SPSB4: variants seen among roughly 807,000 people sequenced by gnomAD.
SPSB4 encodes the protein splA/ryanodine receptor domain and SOCS box containing 4.
In SPSB4, 21 loss-of-function variants were observed where a neutral mutation model predicts 20.9. That is an observed-to-expected ratio of 1.01 (90% CI 0.71 to 1.45). SPSB4 has a LOEUF of 1.45. Ranked by LOEUF, SPSB4 falls within the 40% of genes most tolerant of loss-of-function variation. The pLI is 0.00. For synonymous variants in SPSB4, 207 were observed against 183.8 expected (o/e 1.13, Z -1.02); for missense variants, 399 against 399.2 (o/e 1.00, Z 0.00).
intron 2 of SPSB4, among the ~76,000 whole-genome samples, chr3:141,074,929 A>G (rs1238058493): frequency 6.6e-6 from 1 of 152,242 alleles, no homozygotes; most frequent in Non-Finnish European, 1.5e-5. Context: ...CCCCAGACAC[A>G]GGGATAGAAG....
At chr3:141,083,607 C>T (rs1448725343) in intron 2 of SPSB4, among the ~76,000 whole-genome samples, 1 of 152,058 alleles carries the variant, frequency 6.6e-6, no homozygotes, top group East Asian at 1.9e-4. Context: ...TCTCTGCCTC[C>T]ATGCTTCTGC....
At chr3:141,068,152 C>T (rs773352151) in intron 2 of SPSB4, among the ~76,000 whole-genome samples, 1 of 152,154 alleles carries the variant, frequency 6.6e-6, no homozygotes, top group Non-Finnish European at 1.5e-5. Flanking sequence ...TGATGGTTTC[C>T]AAGGGTGGCA....
rs1037682374 is a variant in SPSB4 at position 141,078,943 on chromosome 3, C to T, written c.694+12145C>T. Among the ~76,000 whole-genome samples the T allele has an allele frequency of 1.8e-4, 27 of 152,200 alleles. 1 individual carries two copies. Among genetic ancestry groups the T allele is most frequent in the Admixed American group, 6.5e-5 (1 of 15,274 alleles). ...GTTTGTTGAATGAGCTGCTGCATCA[C>T]TCAGAGGCCACACGGTAGGATGAAA... On this transcript the variant is annotated intron_variant, in intron 2 of 2. Coordinates refer to ENST00000310546, the MANE Select transcript of SPSB4 (RefSeq NM_080862.3).
chr3:141,140,716 C>G (rs1939311462), intron 2 of SPSB4, among the ~76,000 whole-genome samples: 1 of 152,178 alleles, frequency 6.6e-6, no homozygotes, highest in South Asian at 2.1e-4. Context: ...GAGTACCCGG[C>G]CGTGTGAGGT....
At chr3:141,086,461 C>T (rs1043162751) in intron 2 of SPSB4, among the ~76,000 whole-genome samples, 1 of 152,164 alleles carries the variant, frequency 6.6e-6, no homozygotes, top group African/African-American at 2.4e-5. Context: ...GATAATAGTG[C>T]CCACCTTATG....
chr3:141,124,961 C>T (rs552493307), intron 2 of SPSB4, among the ~76,000 whole-genome samples: 34 of 152,172 alleles, frequency 2.2e-4, no homozygotes, highest in Non-Finnish European at 3.5e-4. Context: ...CCACAGATCA[C>T]GTAGCCAGGC....
chr3:141,125,754 C>T (rs1189199087), intron 2 of SPSB4, among the ~76,000 whole-genome samples: 23 of 152,182 alleles, frequency 1.5e-4, no homozygotes, highest in Admixed American at 1.4e-3. Context: ...GGTTGCAATT[C>T]AGCTCCTGCA....
In SPSB4 at chr3:141,053,619, A is replaced by G. The variant is rs545123633; in HGVS notation, c.-154+1627A>G. 1.6e-3 allele frequency among the ~76,000 whole-genome samples: 244 copies of G among 152,348 alleles called. 1 individual carries two copies. Among genetic ancestry groups the G allele is most frequent in the African/African-American group, 5.5e-3 (228 of 41,584 alleles). Reference sequence around the variant, plus strand: ...TAAGAGATTCCTGAGGTCAACAAACAAAAGATCAAATGGGCAAAGACACGA... The same window carrying G: ...TAAGAGATTCCTGAGGTCAACAAACGAAAGATCAAATGGGCAAAGACACGA... On this transcript the variant is annotated intron_variant, in intron 1 of 2. Transcript: ENST00000310546.
At chr3:141,095,064 C>T (rs1938523087) in intron 2 of SPSB4, among the ~76,000 whole-genome samples, 2 of 152,118 alleles carry the variant, frequency 1.3e-5, no homozygotes, top group Admixed American at 1.3e-4. Flanking sequence ...GTGTATTCTG[C>T]TGCCAAACGG....
intron 1 of SPSB4, among the ~76,000 whole-genome samples, chr3:141,062,919 T>C (rs1032921496): frequency 6.7e-5 from 10 of 149,954 alleles, no homozygotes; most frequent in African/African-American, 2.5e-4. Flanking sequence ...ATTTGGTTTT[T>C]CTATGTCTTT....
chr3:141,127,691 A>G (rs1939070005), intron 2 of SPSB4, among the ~76,000 whole-genome samples: 1 of 152,118 alleles, frequency 6.6e-6, no homozygotes, highest in African/African-American at 2.4e-5. Context: ...CTCAGCCATC[A>G]CGCCAAGCCA....
At chr3:141,108,371 CT>C (rs1165664812) in intron 2 of SPSB4, among the ~76,000 whole-genome samples, 1 of 152,208 alleles carries the variant, frequency 6.6e-6, no homozygotes, top group Non-Finnish European at 1.5e-5. Flanking sequence ...TCACTTCTTG[CT>C]GCAGGGCTTC....
intron 2 of SPSB4, among the ~76,000 whole-genome samples, chr3:141,071,026 T>A (rs1937992540): frequency 6.6e-6 from 1 of 152,186 alleles, no homozygotes; most frequent in Non-Finnish European, 1.5e-5. Flanking sequence ...TGGCTTTACC[T>A]CCAGCCCTCA....
At position 141,066,521 on chromosome 3, in the gene SPSB4, G is replaced by C. The variant is rs774364610; in HGVS notation, c.417G>C (p.Ser139=). 2 of 1,508,364 alleles carry C rather than the reference G, an allele frequency of 1.3e-6. No individual in the cohort carries two copies. Among genetic ancestry groups the C allele is most frequent in the Admixed American group, 2.1e-5 (1 of 46,780 alleles). The allele number at this position is 1,508,364 out of a possible 1,614,324, so 93.4% of individuals were successfully genotyped here. A position where few individuals can be genotyped will look rare whatever the true frequency, so the allele number is the denominator to read the frequency against. ...CGCTGGTAGGCAGTGACGCCGAGTC[G>C]TGGGGCTGGGACCTGGGCCGCAGCC... The part of the protein sequence containing the change: ...YTALVGSDAE[S]WGWDLGRSRL... Residue 139 remains serine (S), a synonymous_variant, in exon 2 of 3, where the codon TCG becomes TCC. Transcript: ENST00000310546.
intron 2 of SPSB4, among the ~76,000 whole-genome samples, chr3:141,083,054 C>T (rs1279363901): frequency 1.3e-5 from 2 of 151,622 alleles, no homozygotes; most frequent in Non-Finnish European, 2.9e-5. Flanking sequence ...ACCAGGCTTT[C>T]TAAGTATCTG....
At chr3:141,075,335 C>A (rs576787835) in intron 2 of SPSB4, among the ~76,000 whole-genome samples, 1 of 152,078 alleles carries the variant, frequency 6.6e-6, no homozygotes, top group African/African-American at 2.4e-5. Context: ...TGTCAGAGAC[C>A]CTGTCCTGGC....
intron 2 of SPSB4, among the ~76,000 whole-genome samples, chr3:141,104,320 T>C (rs558682459): frequency 3.0e-4 from 45 of 152,146 alleles, no homozygotes; most frequent in African/African-American, 1.1e-3. Context: ...GCTTCATTTC[T>C]TGGGGAAGGG....
chr3:141,099,498 A>G (rs971908788), intron 2 of SPSB4, among the ~76,000 whole-genome samples: 2 of 152,222 alleles, frequency 1.3e-5, no homozygotes, highest in African/African-American at 4.8e-5. Context: ...TTTACCACCC[A>G]TGTTATTTAT....
At chr3:141,083,382 G>T (rs1938277928) in intron 2 of SPSB4, among the ~76,000 whole-genome samples, 1 of 152,174 alleles carries the variant, frequency 6.6e-6, no homozygotes, top group Non-Finnish European at 1.5e-5. Context: ...AGCCCTGGAT[G>T]GTGCCCCTTA....
Sources: allele counts gnomAD v4.1 joint callset (sites outside exome capture counted in the v4.1 genomes callset), GRCh38; gene constraint gnomAD v4.1.1; transcripts MANE v1.5; gene names NCBI Gene and HGNC (gene_info 2026-07-23, HGNC 2026-07-21).